MBD5: variants seen among roughly 807,000 people sequenced by gnomAD.
MBD5 encodes methyl-CpG binding domain protein 5, also known as methyl-CpG-binding domain protein 5.
In MBD5, 13 loss-of-function variants were observed where a neutral mutation model predicts 117.3. The observed-to-expected ratio is 0.11, with a 90% CI of 0.07 to 0.18. MBD5 has a LOEUF of 0.18. Among genes scored for constraint, MBD5 ranks in the 10% least tolerant of loss-of-function variants. MBD5 has a pLI of 1.00. For missense variants in MBD5, 1,879 were observed against 2,093.8 expected, an observed-to-expected ratio of 0.90 and a Z score of 2.00; for synonymous variants, 727 against 766.4, an observed-to-expected ratio of 0.95 and a Z score of 0.85.
chr2:148,162,733 C>CA (rs1041618059), intron 1 of MBD5, among the ~76,000 whole-genome samples: 1 of 151,518 alleles, frequency 6.6e-6, no homozygotes, highest in African/African-American at 2.4e-5. Flanking sequence ...TTCTAACAAA[C>CA]AAAAAAGAAT....
intron 3 of MBD5, among the ~76,000 whole-genome samples, chr2:148,278,650 C>T (rs12053104): frequency 0.28 from 42,305 of 151,956 alleles, 6,567 homozygotes; most frequent in Admixed American, 0.37. Context: ...CAGGGTTCTC[C>T]GGAGACAGAA....
chr2:148,105,307 C>G (rs1696341884), intron 1 of MBD5, among the ~76,000 whole-genome samples: 1 of 151,592 alleles, frequency 6.6e-6, no homozygotes, highest in African/African-American at 2.4e-5. Flanking sequence ...CAACCTCTGC[C>G]TCCCAGGTTC....
chr2:148,189,095 C>G (rs966996686), intron 2 of MBD5, among the ~76,000 whole-genome samples: 2 of 143,760 alleles, frequency 1.4e-5, no homozygotes, highest in African/African-American at 5.3e-5. Context: ...ACACCTGGCT[C>G]AGAGGGTCCT....
intron 4 of MBD5, among the ~76,000 whole-genome samples, chr2:148,365,079 T>A (rs967028630): frequency 1.3e-5 from 2 of 152,166 alleles, no homozygotes; most frequent in Non-Finnish European, 2.9e-5. Flanking sequence ...ATTGACCACA[T>A]AATTGAAAGT....
intron 4 of MBD5, among the ~76,000 whole-genome samples, chr2:148,382,950 A>G (rs1296311841): frequency 1.3e-5 from 2 of 151,630 alleles, no homozygotes; most frequent in East Asian, 3.9e-4. Flanking sequence ...GGACACATTC[A>G]AAGCAGTGTG....
chr2:148,338,165 C>CT (rs1327564587), intron 3 of MBD5, among the ~76,000 whole-genome samples: 1 of 152,038 alleles, frequency 6.6e-6, no homozygotes. Flanking sequence ...AATAATTTTT[C>CT]TAAAGGAATA....
Position 148,196,225 on chromosome 2 carries a change from A to T in MBD5, c.-831+17432A>T, listed in dbSNP as rs1254322693. ...TCCTCCAGGAAGTTCTTGAGAAAGA[A>T]TGTATAGGAGGTAATTTTTTGTAAT... On this transcript the variant is annotated intron_variant, in intron 2 of 13. Coordinates refer to ENST00000642680, the MANE Select transcript of MBD5 (RefSeq NM_001378120.1). 3 of 152,266 alleles carry T rather than the reference A, an allele frequency of 2.0e-5. No homozygotes were observed. The East Asian group carries it at 5.8e-4, about 29-fold the overall frequency. 9.4% of individuals were successfully genotyped at this position (152,266 alleles called of 1,614,324 possible).
chr2:148,324,275 G>T (rs1036144992), intron 3 of MBD5, among the ~76,000 whole-genome samples: 1 of 152,148 alleles, frequency 6.6e-6, no homozygotes, highest in Admixed American at 6.5e-5. Flanking sequence ...GTCAGGTAGT[G>T]TGATGCCTCT....
intron 1 of MBD5, among the ~76,000 whole-genome samples, chr2:148,111,170 A>G (rs781078445): frequency 6.6e-6 from 1 of 152,296 alleles, no homozygotes; most frequent in Non-Finnish European, 1.5e-5. Flanking sequence ...TAAAAAGGAA[A>G]AGGTACCTTT....
intron 1 of MBD5, among the ~76,000 whole-genome samples, chr2:148,039,080 G>GA (rs1322398241): frequency 2.0e-5 from 3 of 152,060 alleles, no homozygotes; most frequent in African/African-American, 7.2e-5. Flanking sequence ...GCTGAGAGCT[G>GA]AAAACAAGTA....
intron 4 of MBD5, among the ~76,000 whole-genome samples, chr2:148,421,103 G>A (rs186029778): frequency 6.9e-4 from 105 of 152,282 alleles, no homozygotes; most frequent in Admixed American, 1.4e-3. Context: ...TCAAATTGCC[G>A]TTTAATACTG....
At chr2:148,230,417 C>A (rs1699955206) in intron 2 of MBD5, among the ~76,000 whole-genome samples, 1 of 152,092 alleles carries the variant, frequency 6.6e-6, no homozygotes, top group Admixed American at 6.5e-5. Flanking sequence ...TGCATGCTGC[C>A]TGGCCTAATA....
intron 3 of MBD5, among the ~76,000 whole-genome samples, chr2:148,265,262 T>A (rs1158509874): frequency 1.3e-5 from 2 of 152,160 alleles, no homozygotes; most frequent in African/African-American, 4.8e-5. Flanking sequence ...CTTTTAAAAT[T>A]CCAGTACCTG....
At chr2:148,447,041 T>C (rs957060398) in intron 4 of MBD5, among the ~76,000 whole-genome samples, 4 of 142,642 alleles carry the variant, frequency 2.8e-5, no homozygotes, top group African/African-American at 1.1e-4. Context: ...ATATTGCCAA[T>C]GATGGTGGAA....
At chr2:148,347,183 C>T (rs921332504) in intron 4 of MBD5, 1 of 151,988 alleles carries the variant, frequency 6.6e-6, no homozygotes, top group Admixed American at 6.6e-5. Context: ...CAAACATCAG[C>T]ATTAAGCCTG....
intron 1 of MBD5, among the ~76,000 whole-genome samples, chr2:148,060,868 C>G (rs10497026): frequency 1.3e-5 from 2 of 151,866 alleles, no homozygotes; most frequent in Non-Finnish European, 2.9e-5. Flanking sequence ...ATTTCACTAT[C>G]TGTTCATTGG....
intron 3 of MBD5, among the ~76,000 whole-genome samples, chr2:148,309,121 T>A (rs1574268448): frequency 6.6e-6 from 1 of 152,230 alleles, no homozygotes; most frequent in East Asian, 1.9e-4. Context: ...TGCTAAGGAT[T>A]GACTTGGCTA....
intron 4 of MBD5, among the ~76,000 whole-genome samples, chr2:148,351,591 A>G (rs1395759832): frequency 1.3e-5 from 2 of 151,902 alleles, no homozygotes; most frequent in Non-Finnish European, 2.9e-5. Flanking sequence ...ATATTAGTGT[A>G]TTTATATATT....
chr2:148,269,659 GT>G (rs1201591805), intron 3 of MBD5, among the ~76,000 whole-genome samples: 1 of 114,574 alleles, frequency 8.7e-6, no homozygotes, highest in Non-Finnish European at 1.8e-5. Flanking sequence ...CTAATTGTGA[GT>G]TTTTTTAGTT....
Sources: gnomAD v4.1 joint callset for allele counts (sites outside exome capture counted in the v4.1 genomes callset) on GRCh38, gnomAD v4.1.1 for gene constraint, MANE v1.5 for transcripts, NCBI Gene and HGNC (gene_info 2026-07-23, HGNC 2026-07-21) for gene names.